Variants in TACR1 observed in about 807,000 individuals in gnomAD.
TACR1 encodes the protein substance-P receptor.
A neutral mutation model predicts 35.8 loss-of-function variants in TACR1; 25 were observed. The ratio of observed to expected loss-of-function variants is 0.70; its 90% CI spans 0.51 to 0.98. TACR1 has a LOEUF of 0.98. TACR1 is among the 50% of genes least tolerant of loss of function. TACR1 has a pLI of 0.00. For missense variants in TACR1, 478 were observed against 522.9 expected (o/e 0.91, Z 0.84); for synonymous variants, 195 against 206.7 (o/e 0.94, Z 0.48).
rs144236507 is a variant in TACR1, at chr2:75,049,703, T to G, written c.953A>C (p.His318Pro). The G allele has an allele frequency of 6.2e-7, 1 of 1,613,686 alleles. No individual in the cohort carries two copies. Among genetic ancestry groups the G allele is most frequent in the Non-Finnish European group, 8.5e-7 (1 of 1,179,694 alleles). The change falls in exon 5 of 5, where the codon CAT becomes CCT. Residue 318 changes from histidine (H) to proline (P), a missense_variant. Physicochemically the swap from His to Pro is moderately conservative, Grantham distance 77. Coordinates refer to ENST00000305249, the MANE Select transcript of TACR1 (RefSeq NM_001058.4). Reference protein sequence around the residue: ...LNDRFRLGFKHAFRCCPFISA... With the variant: ...LNDRFRLGFKPAFRCCPFISA... ...GATGAAGGGGCAGCACCGGAAGGCA[T>G]GCTTGAAGCCCAGACGGAACCTGGA...
intron 2 of TACR1, among the ~76,000 whole-genome samples, chr2:75,114,385 T>G (rs1673810627): frequency 6.6e-6 from 1 of 152,256 alleles, no homozygotes; most frequent in Non-Finnish European, 1.5e-5. Context: ...GTCCTTTTCA[T>G]TTTTCATCCT....
At chr2:75,085,639 G>A (rs571336692) in intron 2 of TACR1, among the ~76,000 whole-genome samples, 1 of 152,268 alleles carries the variant, frequency 6.6e-6, no homozygotes, top group South Asian at 2.1e-4. Flanking sequence ...CTGTTGGGTT[G>A]GGAAGGAATT....
At chr2:75,056,423 G>T (rs559676918) in intron 2 of TACR1, among the ~76,000 whole-genome samples, 1 of 152,284 alleles carries the variant, frequency 6.6e-6, no homozygotes, top group South Asian at 2.1e-4. Context: ...ACTAGGGGCA[G>T]CTCCTACACC....
At chr2:75,130,527 GTTTA>G (rs1236090102) in intron 1 of TACR1, among the ~76,000 whole-genome samples, 2 of 152,196 alleles carry the variant, frequency 1.3e-5, no homozygotes, top group Non-Finnish European at 2.9e-5. Flanking sequence ...ATCCACAACT[GTTTA>G]TTTATTTTTG....
intron 2 of TACR1, among the ~76,000 whole-genome samples, chr2:75,058,216 T>G (rs541217049): frequency 6.6e-6 from 1 of 152,252 alleles, no homozygotes; most frequent in Non-Finnish European, 1.5e-5. Context: ...TTAGAAAACA[T>G]AAAATTAAAT....
At chr2:75,058,555 C>T (rs1672614390) in intron 2 of TACR1, among the ~76,000 whole-genome samples, 1 of 152,174 alleles carries the variant, frequency 6.6e-6, no homozygotes, top group South Asian at 2.1e-4. Context: ...CTGGCTGACC[C>T]CCACCTGGTG....
intron 1 of TACR1, among the ~76,000 whole-genome samples, chr2:75,197,815 C>A (rs1377585280): frequency 1.3e-5 from 2 of 152,134 alleles, no homozygotes; most frequent in Non-Finnish European, 2.9e-5. Context: ...ATTTAGAACA[C>A]CTCTTGGGTA....
chr2:75,105,668 G>T (rs1434815975), intron 2 of TACR1, among the ~76,000 whole-genome samples: 1 of 151,888 alleles, frequency 6.6e-6, no homozygotes, highest in Non-Finnish European at 1.5e-5. Context: ...CTTCAATAAA[G>T]CTGAAAAAAG....
intron 1 of TACR1, among the ~76,000 whole-genome samples, chr2:75,141,929 G>A (rs1220653473): frequency 1.3e-5 from 2 of 152,158 alleles, no homozygotes; most frequent in African/African-American, 2.4e-5. Flanking sequence ...TCTCTCAACT[G>A]TTCTACAGTT....
At chr2:75,118,728 T>C (rs1673910326) in intron 2 of TACR1, 1 of 152,228 alleles carries the variant, frequency 6.6e-6, no homozygotes, top group Admixed American at 6.5e-5. Flanking sequence ...TGATCAGATT[T>C]TGAAAAGACC....
At chr2:75,185,957 T>C (rs995761318) in intron 1 of TACR1, among the ~76,000 whole-genome samples, 2 of 152,262 alleles carry the variant, frequency 1.3e-5, no homozygotes, top group African/African-American at 4.8e-5. Context: ...TACGATACTT[T>C]GTAACCACTT....
intron 2 of TACR1, among the ~76,000 whole-genome samples, chr2:75,079,785 A>G (rs896974797): frequency 7.9e-6 from 1 of 125,910 alleles, no homozygotes; most frequent in Non-Finnish European, 1.6e-5. Context: ...AGTCATTTCC[A>G]TTCATCCTCT....
intron 2 of TACR1, among the ~76,000 whole-genome samples, chr2:75,111,851 A>C (rs1275298707): frequency 6.6e-6 from 1 of 152,026 alleles, no homozygotes; most frequent in Non-Finnish European, 1.5e-5. Context: ...GGGTAGAAAC[A>C]GGGCGAGTAT....
intron 1 of TACR1, among the ~76,000 whole-genome samples, chr2:75,133,172 T>C (rs1674211142): frequency 1.3e-5 from 2 of 152,202 alleles, no homozygotes; most frequent in Non-Finnish European, 1.5e-5. Flanking sequence ...CTGCCATTAT[T>C]TAAATTTTGA....
chr2:75,140,068 C>T (rs566552672), intron 1 of TACR1, among the ~76,000 whole-genome samples: 1 of 152,164 alleles, frequency 6.6e-6, no homozygotes, highest in African/African-American at 2.4e-5. Flanking sequence ...CAGTCATTTT[C>T]TGGGTACTGT....
chr2:75,148,457 T>G (rs559642979), intron 1 of TACR1, among the ~76,000 whole-genome samples: 2 of 152,354 alleles, frequency 1.3e-5, no homozygotes, highest in South Asian at 4.1e-4. Flanking sequence ...TGATTTGCAT[T>G]TCTCTAATGA....
chr2:75,092,182 T>A (rs1010745201), intron 2 of TACR1, among the ~76,000 whole-genome samples: 3 of 152,192 alleles, frequency 2.0e-5, no homozygotes, highest in African/African-American at 7.2e-5. Context: ...TCACATACAC[T>A]GTAGCAAACA....
intron 1 of TACR1, among the ~76,000 whole-genome samples, chr2:75,161,175 C>T (rs1675000934): frequency 6.6e-6 from 1 of 151,946 alleles, no homozygotes; most frequent in Non-Finnish European, 1.5e-5. Context: ...CAAACAAAAA[C>T]CACACTACTC....
At chr2:75,132,915 A>G (rs529914225) in intron 1 of TACR1, among the ~76,000 whole-genome samples, 1 of 152,206 alleles carries the variant, frequency 6.6e-6, no homozygotes, top group Admixed American at 6.5e-5. Flanking sequence ...TTCTGTCGAC[A>G]GCACCAAGGT....
Sources: gnomAD v4.1 joint callset for allele counts (sites outside exome capture counted in the v4.1 genomes callset) on GRCh38, gnomAD v4.1.1 for gene constraint, MANE v1.5 for transcripts, NCBI Gene and HGNC (gene_info 2026-07-23, HGNC 2026-07-21) for gene names.